The following FLT1 variants were observed in gnomAD, a reference collection of about 807,000 sequenced individuals.
FLT1 encodes vascular endothelial growth factor receptor 1.
FLT1 carries 49 observed loss-of-function variants against 156.3 expected under a neutral mutation model. The ratio of observed to expected loss-of-function variants is 0.31; its 90% CI spans 0.25 to 0.40. The LOEUF is 0.40. Among genes scored for constraint, FLT1 ranks in the 10% least tolerant of loss-of-function variants. The pLI, the probability that FLT1 is intolerant of heterozygous loss-of-function variation, is 1.00. For synonymous variants in FLT1, 594 were observed against 583.8 expected (o/e 1.02, Z -0.25); for missense variants, 1,322 against 1,637.2 (o/e 0.81, Z 3.32).
chr13:28,412,406 TTCTTCTC>T (rs1876346680), intron 10 of FLT1, among the ~76,000 whole-genome samples: 1 of 149,104 alleles, frequency 6.7e-6, no homozygotes, highest in African/African-American at 2.5e-5. Context: ...CTTTCTTTCT[TTCTTCTC>T]TTTCTCTCTC....
chr13:28,435,732 C>A (rs1877989018), intron 4 of FLT1, among the ~76,000 whole-genome samples: 1 of 152,198 alleles, frequency 6.6e-6, no homozygotes, highest in Non-Finnish European at 1.5e-5. Context: ...AGGGACTATG[C>A]CTACATCGGA....
chr13:28,443,753 A>G (rs773091557), intron 3 of FLT1, among the ~76,000 whole-genome samples: 6 of 152,368 alleles, frequency 3.9e-5, no homozygotes, highest in Middle Eastern at 6.8e-3. Context: ...GTAATACTCA[A>G]GGAGAATGTA....
Position 28,495,037 on chromosome 13 carries a change from C to T in FLT1, c.-194G>A, listed in dbSNP as rs1450850570. 6.2e-6 allele frequency: 3 copies of T among 485,248 alleles called. No individual in the cohort carries two copies. The highest frequency in any genetic ancestry group is 2.0e-5 in the African/African-American group (1 of 48,836). The allele number at this position is 485,248 out of a possible 1,614,324, so 30.1% of individuals were successfully genotyped here. Reference sequence around the variant, plus strand: ...GCGCCCGCTGGCCGCTGCACCCGAGCCCCGGAGCCCGCTCCGAGCCGCCGC... The same window carrying T: ...GCGCCCGCTGGCCGCTGCACCCGAGTCCCGGAGCCCGCTCCGAGCCGCCGC... On this transcript the variant is annotated 5_prime_UTR_variant, in exon 1 of 30. Transcript: ENST00000282397. The surrounding 1 kb of genome is among the most constrained non-coding windows in gnomAD (Gnocchi z 4.1).
intron 3 of FLT1, among the ~76,000 whole-genome samples, chr13:28,458,535 A>G (rs1268916235): frequency 1.3e-5 from 2 of 152,202 alleles, no homozygotes; most frequent in Non-Finnish European, 2.9e-5. Flanking sequence ...TTATTAGGAC[A>G]TCCTAGGAGA....
intron 15 of FLT1, among the ~76,000 whole-genome samples, chr13:28,356,012 CCCAGGCCATAAGAGT>C (rs1872885166): frequency 6.6e-6 from 1 of 152,234 alleles, no homozygotes; most frequent in South Asian, 2.1e-4. Flanking sequence ...CCAGGCTCCT[CCCAGGCCATAAGAGT>C]CCAGCCATTG....
chr13:28,435,303 G>A (rs1351396510), intron 4 of FLT1, among the ~76,000 whole-genome samples: 1 of 152,168 alleles, frequency 6.6e-6, no homozygotes, highest in Admixed American at 6.5e-5. Flanking sequence ...TTCTCCTTAT[G>A]CCTTCTTCTG....
At chr13:28,456,629 C>G (rs1201722680) in intron 3 of FLT1, among the ~76,000 whole-genome samples, 2 of 151,920 alleles carry the variant, frequency 1.3e-5, no homozygotes, top group Non-Finnish European at 2.9e-5. Flanking sequence ...AACCCTGTCT[C>G]TACTAAAAAT....
intron 1 of FLT1, among the ~76,000 whole-genome samples, chr13:28,494,319 C>T (rs982688826): frequency 6.6e-6 from 1 of 152,222 alleles, no homozygotes; most frequent in Non-Finnish European, 1.5e-5. Flanking sequence ...GGCCTCAGCC[C>T]AGCCCCGGGC....
chr13:28,395,136 A>C (rs969128525), intron 12 of FLT1, among the ~76,000 whole-genome samples: 1 of 151,998 alleles, frequency 6.6e-6, no homozygotes, highest in Non-Finnish European at 1.5e-5. Context: ...ATTGATCCTG[A>C]CCTCTCAGGT....
chr13:28,320,262 G>A lies in FLT1; in HGVS notation c.3175-728C>T, dbSNP rs377050200. Reference sequence around the variant, plus strand: ...GGGGAGGACTAACATGAAGGTTGGTGCCATCTCTCCAGACCAGGGCCCCAA... The same window carrying A: ...GGGGAGGACTAACATGAAGGTTGGTACCATCTCTCCAGACCAGGGCCCCAA... On this transcript the variant is annotated intron_variant, in intron 23 of 29. Coordinates refer to ENST00000282397, the MANE Select transcript of FLT1 (RefSeq NM_002019.4). Among the ~76,000 whole-genome samples, 20 of 152,266 alleles carry A rather than the reference G, an allele frequency of 1.3e-4. No homozygotes were observed. In the East Asian group the frequency reaches 3.7e-3, roughly 28 times the overall value.
At chr13:28,400,604 CAGTG>C (rs1328729668) in intron 11 of FLT1, among the ~76,000 whole-genome samples, 7 of 152,110 alleles carry the variant, frequency 4.6e-5, no homozygotes, top group Admixed American at 3.9e-4. Context: ...TTGCATGAGA[CAGTG>C]AGTTTCAATG....
chr13:28,488,071 C>T (rs1377404761), intron 1 of FLT1, among the ~76,000 whole-genome samples: 2 of 151,816 alleles, frequency 1.3e-5, no homozygotes, highest in Non-Finnish European at 2.9e-5. Context: ...CCCTTAGTCA[C>T]ACACGTCAAA....
rs150515552 is a variant in FLT1 at position 28,321,583 on chromosome 13, G to A, written c.3054C>T (p.Cys1018=). The A allele has an allele frequency of 1.4e-4, 223 of 1,614,026 alleles. No individual in the cohort carries two copies. Among genetic ancestry groups the A allele is most frequent in the Non-Finnish European group, 1.8e-4 (208 of 1,179,900 alleles). The change falls in exon 23 of 30, where the codon TGC becomes TGT. Residue 1018 remains cysteine (C), a splice_region_variant and synonymous_variant. Coordinates refer to ENST00000282397, the MANE Select transcript of FLT1 (RefSeq NM_002019.4). ...TTCTCGCTGCCAGGTCCCGATGAAT[G>A]CACTATAATAAAACAGTTGCATAAT... ...RGMEFLSSRK[C]IHRDLAARNI...
chr13:28,439,395 G>A lies in FLT1; in HGVS notation c.389-1050C>T, dbSNP rs1043721071. On this transcript the variant is annotated intron_variant, in intron 3 of 29. Transcript: ENST00000282397. The surrounding 1 kb of genome is among the most constrained non-coding windows in gnomAD (Gnocchi z 4.1). The stretch of plus-strand genomic sequence containing the variant: ...TTGCTGGTCCTGCCTCAGGTTTGTG[G>A]ATTACGAAGCTAATTCAGGATGCTG... Among the ~76,000 whole-genome samples the A allele has an allele frequency of 6.6e-6, 1 of 152,158 alleles. No homozygotes were observed. Among genetic ancestry groups the A allele is most frequent in the Non-Finnish European group, 1.5e-5 (1 of 68,038 alleles).
intron 11 of FLT1, chr13:28,399,112 G>A: frequency 1.3e-6 from 2 of 1,549,880 alleles, no homozygotes; most frequent in South Asian, 2.4e-5. Context: ...CTGTTAGCTG[G>A]TGGAAGCTGG....
chr13:28,396,929 G>T, intron 12 of FLT1, 31 bp downstream of exon 12: 2 of 1,220,466 alleles, frequency 1.6e-6, no homozygotes, highest in Admixed American at 1.7e-5. Flanking sequence ...AAGTCACCAG[G>T]CTGTCTCTGG....
intron 25 of FLT1, among the ~76,000 whole-genome samples, chr13:28,313,676 T>C (rs1307998695): frequency 6.6e-6 from 1 of 152,174 alleles, no homozygotes; most frequent in Non-Finnish European, 1.5e-5. Flanking sequence ...CTTCTGTGAA[T>C]TCTTCAGCTG....
At chr13:28,429,852 G>T (rs1046014347) in intron 8 of FLT1, among the ~76,000 whole-genome samples, 198 bp downstream of exon 8, 1 of 152,084 alleles carries the variant, frequency 6.6e-6, no homozygotes, top group Non-Finnish European at 1.5e-5. Context: ...CTCATCTCTC[G>T]CTTACCTTGC....
chr13:28,414,344 G>A (rs1470049004), intron 10 of FLT1, among the ~76,000 whole-genome samples: 1 of 152,124 alleles, frequency 6.6e-6, no homozygotes, highest in Non-Finnish European at 1.5e-5. Context: ...GTTATGTATT[G>A]TCCTTTTTGT....
Sources: allele counts gnomAD v4.1 joint callset (sites outside exome capture counted in the v4.1 genomes callset), GRCh38; gene constraint gnomAD v4.1.1; non-coding constraint Gnocchi (gnomAD v3.1); transcripts MANE v1.5; gene names NCBI Gene and HGNC (gene_info 2026-07-23, HGNC 2026-07-21).